Variants in SGCD observed in about 807,000 individuals in gnomAD.
SGCD encodes delta-sarcoglycan.
A neutral mutation model predicts 36.6 loss-of-function variants in SGCD; 18 were observed. The observed-to-expected ratio is 0.49, with a 90% CI of 0.34 to 0.73. SGCD has a LOEUF of 0.73. Ranked by LOEUF, SGCD falls within the 30% of genes least tolerant of loss-of-function variation. SGCD has a pLI of 0.01. For missense variants in SGCD, 387 were observed against 346.7 expected, an observed-to-expected ratio of 1.12 and a Z score of -0.92; for synonymous variants, 133 against 130.6, an observed-to-expected ratio of 1.02 and a Z score of -0.12.
At chr5:156,374,537 G>A (rs986171467) in intron 3 of SGCD, among the ~76,000 whole-genome samples, 1 of 151,810 alleles carries the variant, frequency 6.6e-6, no homozygotes, top group East Asian at 1.9e-4. Context: ...CAACCTATTC[G>A]TTGATGGAAG....
At chr5:156,225,350 T>G (rs1055792397) in intron 3 of SGCD, among the ~76,000 whole-genome samples, 1 of 152,144 alleles carries the variant, frequency 6.6e-6, no homozygotes, top group East Asian at 1.9e-4. Context: ...ATAGGGTGTT[T>G]GCCAAATAAT....
intron 3 of SGCD, among the ~76,000 whole-genome samples, chr5:156,268,201 T>A (rs1766052745): frequency 6.6e-6 from 1 of 152,240 alleles, no homozygotes; most frequent in South Asian, 2.1e-4. Flanking sequence ...TTCTATGGTG[T>A]ATATGTATCA....
Position 156,691,225 on chromosome 5 carries a change from A to G in SGCD, c.575+43689A>G, listed in dbSNP as rs866292385. ...CTGTCTCAAAAAAAAAAAAAAAAAA[A>G]AGAGAGAGACCCAAACTTCCATTAT... On this transcript the variant is annotated intron_variant, in intron 7 of 8. Transcript: ENST00000337851. Among the ~76,000 whole-genome samples the G allele has an allele frequency of 3.5e-3, 521 of 150,392 alleles. 12 individuals are homozygous for G. Among genetic ancestry groups the G allele is most frequent in the African/African-American group, 0.011 (453 of 41,002 alleles).
rs763019312 is a variant in SGCD at position 156,674,030 on chromosome 5, G to T, written c.575+26494G>T. 2.4e-4 allele frequency among the ~76,000 whole-genome samples: 36 copies of T among 152,190 alleles called. 2 individuals carry two copies. Among genetic ancestry groups the T allele is most frequent in the Non-Finnish European group, 3.2e-4 (22 of 68,030 alleles). On this transcript the variant is annotated intron_variant, in intron 7 of 8. Coordinates refer to ENST00000337851, the MANE Select transcript of SGCD (RefSeq NM_000337.6). ...TGAAAATGCCATTCAGCCTTTGAAT[G>T]CAGATGTATGTATTAATAGCAAATG...
intron 3 of SGCD, among the ~76,000 whole-genome samples, chr5:156,301,499 T>C (rs1767053351): frequency 6.6e-6 from 1 of 152,156 alleles, no homozygotes; most frequent in African/African-American, 2.4e-5. Flanking sequence ...ATTTTTGATA[T>C]GTTGATTTTC....
At chr5:156,612,235 T>C (rs1272157241) in intron 6 of SGCD, among the ~76,000 whole-genome samples, 1 of 152,256 alleles carries the variant, frequency 6.6e-6, no homozygotes, top group Non-Finnish European at 1.5e-5. Flanking sequence ...GAGAGACATT[T>C]TCCTGTAGAT....
chr5:156,618,528 C>T (rs1464055196), intron 6 of SGCD, among the ~76,000 whole-genome samples: 1 of 126,584 alleles, frequency 7.9e-6, no homozygotes, highest in East Asian at 2.4e-4. Context: ...CAAAATTCTA[C>T]AATATAGAAA....
At chr5:155,776,666 A>G in the SGCD span, among the ~76,000 whole-genome samples, 73 of 42,130 alleles carry the variant, frequency 1.7e-3, 1 homozygote, top group East Asian at 0.045. Flanking sequence ...CAGCCCCCTC[A>G]GCTTCACTAT....
chr5:156,516,874 G>GT (rs1757199810), intron 4 of SGCD, among the ~76,000 whole-genome samples: 1 of 152,176 alleles, frequency 6.6e-6, no homozygotes, highest in Non-Finnish European at 1.5e-5. Context: ...GCACATGTCA[G>GT]TAGTCCCAGC....
intron 1 of SGCD, among the ~76,000 whole-genome samples, chr5:155,877,135 C>T (rs916181801): frequency 2.0e-5 from 3 of 152,056 alleles, no homozygotes; most frequent in African/African-American, 7.2e-5. Flanking sequence ...TCTAAAAATG[C>T]AAATGCTACA....
At chr5:156,343,097 T>C (rs371253983) in intron 2 of SGCD, among the ~76,000 whole-genome samples, 140 of 131,402 alleles carry the variant, frequency 1.1e-3, no homozygotes, top group Middle Eastern at 4.0e-3. Flanking sequence ...TCCATTTTAA[T>C]GATTATCTAA....
At chr5:155,754,231 C>A in the SGCD span, among the ~76,000 whole-genome samples, 1 of 152,150 alleles carries the variant, frequency 6.6e-6, no homozygotes, top group Non-Finnish European at 1.5e-5. Context: ...GAATAGTAAT[C>A]CCTGCTTTGT....
chr5:156,528,353 T>C (rs1425487263), intron 4 of SGCD, among the ~76,000 whole-genome samples: 2 of 152,202 alleles, frequency 1.3e-5, no homozygotes, highest in African/African-American at 2.4e-5. Context: ...CACTGTATAA[T>C]ATTTGAAAAT....
At chr5:156,683,188 T>C (rs1439494123) in intron 7 of SGCD, among the ~76,000 whole-genome samples, 2 of 152,214 alleles carry the variant, frequency 1.3e-5, no homozygotes, top group Non-Finnish European at 2.9e-5. Context: ...AGGAAACACC[T>C]GAGTGTAGGA....
At chr5:155,851,638 C>A in the SGCD span, among the ~76,000 whole-genome samples, 1 of 152,144 alleles carries the variant, frequency 6.6e-6, no homozygotes, top group Non-Finnish European at 1.5e-5. Flanking sequence ...GGCACAGACA[C>A]AGTTCATAAT....
At chr5:156,229,175 G>A (rs1290009565) in intron 3 of SGCD, among the ~76,000 whole-genome samples, 4 of 149,510 alleles carry the variant, frequency 2.7e-5, no homozygotes, top group Non-Finnish European at 5.9e-5. Flanking sequence ...CCTGCAGGTG[G>A]CCTATTGTGG....
chr5:156,675,030 G>A (rs1010565514), intron 7 of SGCD, among the ~76,000 whole-genome samples: 2 of 152,158 alleles, frequency 1.3e-5, no homozygotes, highest in Non-Finnish European at 2.9e-5. Flanking sequence ...ACTTTAAAGT[G>A]TTGGTGGGCG....
At position 156,762,575 on chromosome 5, in the gene SGCD, G is replaced by A. The variant is rs1757517985; in HGVS notation, c.*3185G>A. The A allele has an allele frequency of 1.3e-5, 2 of 152,604 alleles. No homozygotes were observed. Among genetic ancestry groups the A allele is most frequent in the Admixed American group, 1.3e-4 (2 of 15,276 alleles). 9.5% of individuals were successfully genotyped at this position (152,604 alleles called of 1,614,324 possible). A position where few individuals can be genotyped will look rare whatever the true frequency, so the allele number is the denominator to read the frequency against. ...GCATATCCAGCAACTATAGACCAAAGTTTGCTTAAGGTTTGACCCTAGAGC... is the reference window on the plus strand; with the variant it reads ...GCATATCCAGCAACTATAGACCAAAATTTGCTTAAGGTTTGACCCTAGAGC... On this transcript the variant is annotated 3_prime_UTR_variant, in exon 9 of 9. Coordinates refer to ENST00000337851, the MANE Select transcript of SGCD (RefSeq NM_000337.6).
chr5:155,937,011 G>C lies in SGCD; in HGVS notation c.-282+66587G>C, dbSNP rs370222755. On this transcript the variant is annotated intron_variant, in intron 1 of 9. Transcript: ENST00000517913. ...AGATTAGAGCGAGTGCCAGGGAGTG[G>C]GGGGAGAGACCAGACAGGGGTAGCA... 7.2e-5 allele frequency among the ~76,000 whole-genome samples: 11 copies of C among 152,310 alleles called. No individual in the cohort carries two copies. In the East Asian group the frequency reaches 2.1e-3, roughly 29 times the overall value.
Sources: allele counts gnomAD v4.1 joint callset (sites outside exome capture counted in the v4.1 genomes callset), GRCh38; gene constraint gnomAD v4.1.1; transcripts MANE v1.5; gene names NCBI Gene and HGNC (gene_info 2026-07-23, HGNC 2026-07-21).